Variants in IGF2R observed in about 807,000 individuals in gnomAD.
IGF2R encodes cation-independent mannose-6-phosphate receptor.
IGF2R carries 91 observed loss-of-function variants against 270.6 expected under a neutral mutation model. The ratio of observed to expected loss-of-function variants is 0.34; its 90% CI spans 0.28 to 0.40. The LOEUF (loss-of-function observed/expected upper bound fraction) is 0.40, where lower values mean the gene tolerates loss of function less well. Among genes scored for constraint, IGF2R ranks in the 10% least tolerant of loss-of-function variants. The pLI, the probability that IGF2R is intolerant of heterozygous loss-of-function variation, is 1.00. For missense variants in IGF2R, 2,805 were observed against 3,188.3 expected (o/e 0.88, Z 2.90); for synonymous variants, 1,316 against 1,258.9 (o/e 1.05, Z -0.96).
chr6:160,011,551 G>GTTTTTTT (rs546686832), intron 4 of IGF2R, among the ~76,000 whole-genome samples: 7 of 119,690 alleles, frequency 5.8e-5, no homozygotes, highest in Admixed American at 8.8e-5. Context: ...CACATATTTC[G>GTTTTTTT]TTTTTTTTTT....
chr6:160,060,203 G>A lies in IGF2R; in HGVS notation c.3092-344G>A, dbSNP rs535394816. ...TAAACCTGTCATAACACAGGCCACC[G>A]TTGCAGTGAGTGTGTAAACCTGTCA... On this transcript the variant is annotated intron_variant, in intron 22 of 47. Coordinates refer to ENST00000356956, the MANE Select transcript of IGF2R (RefSeq NM_000876.4). Among the ~76,000 whole-genome samples the A allele has an allele frequency of 1.3e-4, 19 of 151,934 alleles. No individual in the cohort carries two copies. The South Asian group carries it at 1.7e-3, about 13-fold the overall frequency.
At position 160,061,719 on chromosome 6, in the gene IGF2R, C is replaced by T. The variant is rs769287476; in HGVS notation, c.3407-34C>T. ...GCATTTGACTCAAGGTCATCGCCTT[C>T]CTCATGCCCAAACCACTTATTCTGT... On this transcript the variant is annotated intron_variant, in intron 24 of 47. Transcript: ENST00000356956. The T allele has an allele frequency of 3.1e-6, 5 of 1,613,740 alleles. No homozygotes were observed. The South Asian group carries it at 3.3e-5, about 11-fold the overall frequency.
At chr6:160,075,288 G>T (rs1166042979) in intron 35 of IGF2R, among the ~76,000 whole-genome samples, 1 of 152,124 alleles carries the variant, frequency 6.6e-6, no homozygotes, top group East Asian at 1.9e-4. Flanking sequence ...TTGGGCAGCC[G>T]CTGTGTGCCA....
intron 45 of IGF2R, 45 bp downstream of exon 45, chr6:160,096,670 C>T (rs374563122): frequency 1.2e-5 from 17 of 1,463,002 alleles, no homozygotes; most frequent in Admixed American, 3.8e-5. Flanking sequence ...CCCACATCTT[C>T]CCTTAAGAAT....
chr6:159,986,958 A>G (rs1783897684), intron 1 of IGF2R, among the ~76,000 whole-genome samples: 1 of 152,202 alleles, frequency 6.6e-6, no homozygotes, highest in East Asian at 1.9e-4. Flanking sequence ...TCAGACAAAA[A>G]ATTTATTATT....
In IGF2R at chr6:160,084,220, C is replaced by T. The variant is rs8191915; in HGVS notation, c.6068+36C>T. The T allele has an allele frequency of 7.3e-3, 9,371 of 1,282,774 alleles. 56 individuals carry two copies. Among genetic ancestry groups the T allele is most frequent in the African/African-American group, 0.014 (991 of 68,550 alleles). 79.5% of individuals were successfully genotyped at this position (1,282,774 alleles called of 1,614,324 possible). ...TCCCAGTCCACCCGCGGCGCCACAC[C>T]CTCAGCATGTGAACTTCAGACTGCT... On this transcript the variant is annotated intron_variant, in intron 40 of 47. Transcript: ENST00000356956. The surrounding 1 kb of genome is among the most constrained non-coding windows in gnomAD (Gnocchi z 4.6).
rs778474491 is a variant in IGF2R, at chr6:160,073,947, G to A, written c.5138G>A (p.Cys1713Tyr). The A allele has an allele frequency of 6.2e-7, 1 of 1,613,532 alleles. No homozygotes were observed. Among genetic ancestry groups the A allele is most frequent in the Non-Finnish European group, 8.5e-7 (1 of 1,179,624 alleles). Residue 1713 changes from cysteine to tyrosine, a missense_variant, in exon 35 of 48, where the codon TGC becomes TAC. This residue lies in a region of IGF2R where 1,851 missense variants were observed against 2,207.2 expected (regional missense o/e 0.84). Transcript: ENST00000356956. Reference sequence around the variant, plus strand: ...CCCTGTCCTGCCGGAGCCGCTGTGTGCAAAGTTCCTATTGATGGTCCCCCC... The same window carrying A: ...CCCTGTCCTGCCGGAGCCGCTGTGTACAAAGTTCCTATTGATGGTCCCCCC... ...GVPCPAGAAV[C>Y]KVPIDGPPID...
In IGF2R at chr6:159,985,893, A is replaced by G. The variant is rs1419069204; in HGVS notation, c.150-5291A>G. 3.3e-5 allele frequency among the ~76,000 whole-genome samples: 5 copies of G among 152,202 alleles called. No homozygotes were observed. The East Asian group carries it at 7.7e-4, about 23-fold the overall frequency. On this transcript the variant is annotated intron_variant, in intron 1 of 47. Transcript: ENST00000356956. ...TTTTACTTATTTTTGCTGATTTTCT[A>G]GAACATTTTCTGTCCCAGAGTGATG...
rs1784181969 is a variant in IGF2R at position 160,004,545 on chromosome 6, G to C, written c.290-4465G>C. 1.3e-5 allele frequency: 2 copies of C among 153,528 alleles called. No homozygotes were observed. Among genetic ancestry groups the C allele is most frequent in the Non-Finnish European group, 2.9e-5 (2 of 68,972 alleles). 9.5% of individuals were successfully genotyped at this position (153,528 alleles called of 1,614,324 possible). ...TCTGGAGCACTCAGAGGTGTGGCCT[G>C]TTTTTCCGGGTGGGTCTAGTGAGTG... is the stretch of plus-strand genomic sequence containing the variant. On this transcript the variant is annotated intron_variant, in intron 2 of 47. Coordinates refer to ENST00000356956, the MANE Select transcript of IGF2R (RefSeq NM_000876.4). This position sits in a 1 kb window ranked among gnomAD's most constrained non-coding sequence, Gnocchi z 5.2.
intron 44 of IGF2R, chr6:160,094,053 G>T: frequency 1.8e-6 from 1 of 551,878 alleles, no homozygotes; most frequent in South Asian, 1.6e-5. Context: ...GAACTTGACA[G>T]TCCTCCTGTC....
Position 160,073,855 on chromosome 6 carries a change from T to C in IGF2R, c.5046T>C (p.Asp1682=). ...GYEAYDESED[D]ASDTNPDFYI... ...AGGCTTATGATGAGAGTGAGGATGA[T>C]GCCTCCGATACCAACCCTGATTTCT... Residue 1682 remains aspartate (D), a synonymous_variant, in exon 35 of 48, where the codon GAT becomes GAC. Transcript: ENST00000356956. 1 of 1,614,000 alleles carries C rather than the reference T, an allele frequency of 6.2e-7. No individual in the cohort carries two copies. Among genetic ancestry groups the C allele is most frequent in the Non-Finnish European group, 8.5e-7 (1 of 1,179,846 alleles).
Position 160,084,977 on chromosome 6 carries a change from C to T in IGF2R, c.6069-18C>T, listed in dbSNP as rs1277244206. ...TCACTTGCATGCCTTTTACCTGCCC[C>T]TTTGTGTCGTTTTCTAGGTACTATA... On this transcript the variant is annotated intron_variant, in intron 40 of 47. Transcript: ENST00000356956. The surrounding 1 kb of genome is among the most constrained non-coding windows in gnomAD (Gnocchi z 4.6). 6.2e-7 allele frequency: 1 copy of T among 1,605,472 alleles called. No individual in the cohort carries two copies. Among genetic ancestry groups the T allele is most frequent in the Admixed American group, 1.7e-5 (1 of 59,806 alleles).
At chr6:160,034,633 C>T in intron 10 of IGF2R, 111 bp downstream of exon 10, 1 of 714,764 alleles carries the variant, frequency 1.4e-6, no homozygotes, top group East Asian at 2.7e-5. Flanking sequence ...AGTCAGATGC[C>T]CTCCTTTGGA....
chr6:160,093,899 C>G, intron 44 of IGF2R: 22 of 721,398 alleles, frequency 3.0e-5, no homozygotes, highest in South Asian at 3.0e-4. Flanking sequence ...GGAGGCTGAT[C>G]AGCATGGGGA....
At chr6:160,076,967 C>G (rs1339802809) in intron 36 of IGF2R, among the ~76,000 whole-genome samples, 1 of 152,152 alleles carries the variant, frequency 6.6e-6, no homozygotes, top group Admixed American at 6.5e-5. Context: ...ATAAAGACAT[C>G]CTTCTGATGT....
intron 7 of IGF2R, among the ~76,000 whole-genome samples, chr6:160,031,436 C>T (rs953286823): frequency 6.6e-6 from 1 of 151,738 alleles, no homozygotes; most frequent in African/African-American, 2.4e-5. Flanking sequence ...TTTGCATTTC[C>T]ATCACCCCAA....
rs372656081 is a variant in IGF2R at position 160,044,605 on chromosome 6, T to C, written c.1713T>C (p.Asp571=). Residue 571 remains aspartate, a synonymous_variant, in exon 13 of 48, where the codon GAT becomes GAC. Coordinates refer to ENST00000356956, the MANE Select transcript of IGF2R (RefSeq NM_000876.4). ...NIQLSYSDGD[D]CGHGKKIKTN... ...AACTCTCTTATTCAGATGGTGATGA[T>C]TGTGGTCATGGCAAGAAAATTAAAA... 3 of 1,610,896 alleles carry C rather than the reference T, an allele frequency of 1.9e-6. No individual in the cohort carries two copies. The highest frequency in any genetic ancestry group is 1.3e-5 in the African/African-American group (1 of 74,836).
At chr6:159,982,212 C>G (rs929704510) in intron 1 of IGF2R, among the ~76,000 whole-genome samples, 2 of 152,182 alleles carry the variant, frequency 1.3e-5, no homozygotes, top group African/African-American at 4.8e-5. Context: ...AACCCTGCCT[C>G]CTTGCTCCTC....
In IGF2R at chr6:160,080,115, C is replaced by T. The variant is rs771982789; in HGVS notation, c.5687-14C>T. On this transcript the variant is annotated splice_polypyrimidine_tract_variant and intron_variant, in intron 38 of 47. Transcript: ENST00000356956. ...GCACAGCTGCCACACTGATAATGTT[C>T]TTCTTCTTTCCAGAAACCGATGACG... 6 of 1,613,430 alleles carry T rather than the reference C, an allele frequency of 3.7e-6. No homozygotes were observed. In the East Asian group the frequency reaches 1.3e-4, roughly 36 times the overall value.
Sources: gnomAD v4.1 joint callset for allele counts (sites outside exome capture counted in the v4.1 genomes callset) on GRCh38, gnomAD v4.1.1 for gene constraint, gnomAD v4.1.1 regional missense constraint, Gnocchi (gnomAD v3.1) non-coding constraint, MANE v1.5 for transcripts, NCBI Gene and HGNC (gene_info 2026-07-23, HGNC 2026-07-21) for gene names.